Variants in CTNNA3 observed in about 807,000 individuals in gnomAD.
CTNNA3 encodes catenin alpha 3.
In CTNNA3, 76 loss-of-function variants were observed where a neutral mutation model predicts 95.7. That is an observed-to-expected ratio of 0.79 (90% CI 0.66 to 0.96). The LOEUF (loss-of-function observed/expected upper bound fraction) is 0.96, where lower values mean the gene tolerates loss of function less well. Among genes scored for constraint, CTNNA3 ranks in the 40% least tolerant of loss-of-function variants. CTNNA3 has a pLI of 0.00. For synonymous variants in CTNNA3, 431 were observed against 374.4 expected, an observed-to-expected ratio of 1.15 and a Z score of -1.74; for missense variants, 1,191 against 1,089.8, an observed-to-expected ratio of 1.09 and a Z score of -1.31.
chr10:67,551,739 C>A (rs1841041038), intron 3 of CTNNA3, among the ~76,000 whole-genome samples: 1 of 152,178 alleles, frequency 6.6e-6, no homozygotes, highest in Non-Finnish European at 1.5e-5. Context: ...CCATCACACA[C>A]CCCCTGAGGA....
At chr10:67,249,718 T>C (rs1375835069) in intron 5 of CTNNA3, among the ~76,000 whole-genome samples, 3 of 152,242 alleles carry the variant, frequency 2.0e-5, no homozygotes, top group South Asian at 2.1e-4. Context: ...GAGCCTATCA[T>C]GGCAGCTCCA....
chr10:66,634,572 GGTGTGTGTGT>G (rs59187647), intron 9 of CTNNA3, among the ~76,000 whole-genome samples: 29 of 146,182 alleles, frequency 2.0e-4, no homozygotes, highest in African/African-American at 6.8e-4. Context: ...CTCTGTGCAT[GGTGTGTGTGT>G]GTGTGTGTGT....
At chr10:67,264,018 T>TAA (rs201968855) in intron 5 of CTNNA3, among the ~76,000 whole-genome samples, 2 of 147,664 alleles carry the variant, frequency 1.4e-5, no homozygotes, top group Admixed American at 1.4e-4. Context: ...AAAGTTTCTT[T>TAA]AAAAAAAAAA....
At position 67,225,408 on chromosome 10, in the gene CTNNA3, G is replaced by A. The variant is rs577680692; in HGVS notation, c.580-5538C>T. 1.1e-4 allele frequency among the ~76,000 whole-genome samples: 16 copies of A among 152,284 alleles called. No homozygotes were observed. In the South Asian group the frequency reaches 3.1e-3, roughly 30 times the overall value. ...TACAAAACCCCATCTCCTGGCAGGA[G>A]GCCAACCAGCACAAAAATAGAGCAT... On this transcript the variant is annotated intron_variant, in intron 5 of 17. Coordinates refer to ENST00000433211, the MANE Select transcript of CTNNA3 (RefSeq NM_013266.4).
intron 13 of CTNNA3, among the ~76,000 whole-genome samples, chr10:66,255,348 AT>A (rs2090726440): frequency 6.6e-6 from 1 of 152,040 alleles, no homozygotes; most frequent in Non-Finnish European, 1.5e-5. Context: ...GGTTCAACTC[AT>A]TCTTCAGTTC....
chr10:66,787,999 C>T lies in CTNNA3; in HGVS notation c.1048-12475G>A, dbSNP rs192653648. ...TATGTATCCAAAGCTGTTACTACCA[C>T]TATTTTACCATGTTTTCAATAAATA... On this transcript the variant is annotated intron_variant, in intron 7 of 17. Transcript: ENST00000433211. Among the ~76,000 whole-genome samples, 3 of 152,290 alleles carry T rather than the reference C, an allele frequency of 2.0e-5. No individual in the cohort carries two copies. The East Asian group carries it at 5.8e-4, about 29-fold the overall frequency.
chr10:65,952,225 C>T (rs2077632812), intron 17 of CTNNA3, among the ~76,000 whole-genome samples: 1 of 152,070 alleles, frequency 6.6e-6, no homozygotes, highest in Admixed American at 6.6e-5. Flanking sequence ...ATGCCTTAGT[C>T]CACTTTATTA....
At chr10:67,124,563 G>A (rs528628343) in intron 7 of CTNNA3, among the ~76,000 whole-genome samples, 1 of 152,194 alleles carries the variant, frequency 6.6e-6, no homozygotes, top group South Asian at 2.1e-4. Flanking sequence ...GAATTGACTA[G>A]CTATGTCAAA....
intron 7 of CTNNA3, chr10:67,097,534 C>A: frequency 6.6e-7 from 1 of 1,515,448 alleles, no homozygotes; most frequent in South Asian, 1.1e-5. Flanking sequence ...AATCTTTCCC[C>A]TAAAGTTGTC....
At chr10:67,204,301 C>T (rs992729050) in intron 6 of CTNNA3, among the ~76,000 whole-genome samples, 2 of 151,996 alleles carry the variant, frequency 1.3e-5, no homozygotes, top group Non-Finnish European at 2.9e-5. Flanking sequence ...TGGTTTAGCA[C>T]CATCTCCCCT....
In CTNNA3 at chr10:67,751,310, T is replaced by G. The variant is rs1455504417; in HGVS notation, c.-2+12124A>C. The G allele has an allele frequency of 9.4e-6, 8 of 851,162 alleles. No homozygotes were observed. In the East Asian group the frequency reaches 1.9e-4, roughly 21 times the overall value. The allele number at this position is 851,162 out of a possible 1,614,324, so 52.7% of individuals were successfully genotyped here. A position where few individuals can be genotyped will look rare whatever the true frequency, so the allele number is the denominator to read the frequency against. ...GTGACATCTCCACTCAAGTCCTATT[T>G]TAGCCAAGCTTATCTGAGATCACAG... On this transcript the variant is annotated intron_variant, in intron 1 of 17. Transcript: ENST00000684154.
intron 17 of CTNNA3, among the ~76,000 whole-genome samples, chr10:65,956,287 T>G (rs2133224683): frequency 6.6e-6 from 1 of 152,302 alleles, no homozygotes; most frequent in Admixed American, 6.5e-5. Context: ...CTTTTCTTCT[T>G]TATTAGTCTT....
At chr10:67,387,194 G>T (rs182160414) in intron 5 of CTNNA3, among the ~76,000 whole-genome samples, 141 of 152,174 alleles carry the variant, frequency 9.3e-4, no homozygotes, top group African/African-American at 3.1e-3. Context: ...CAGGTCAGTG[G>T]GTGCGCGCAC....
chr10:66,613,324 C>T, intron 10 of CTNNA3, among the ~76,000 whole-genome samples: 1 of 151,996 alleles, frequency 6.6e-6, no homozygotes, highest in African/African-American at 2.4e-5. Flanking sequence ...ATTCTTATTT[C>T]TCAGAACTGC....
intron 5 of CTNNA3, among the ~76,000 whole-genome samples, chr10:67,315,351 A>G (rs1381704898): frequency 6.6e-6 from 1 of 152,178 alleles, no homozygotes; most frequent in East Asian, 1.9e-4. Context: ...CTTAGCAGAT[A>G]TTTACCTCCA....
At chr10:66,374,432 T>C (rs1446331955) in intron 12 of CTNNA3, among the ~76,000 whole-genome samples, 1 of 152,056 alleles carries the variant, frequency 6.6e-6, no homozygotes, top group East Asian at 1.9e-4. Flanking sequence ...ACTGCAGGGA[T>C]AGAATTAGCA....
chr10:67,158,960 C>T (rs1373693179), intron 7 of CTNNA3, among the ~76,000 whole-genome samples: 2 of 152,028 alleles, frequency 1.3e-5, no homozygotes, highest in Non-Finnish European at 2.9e-5. Flanking sequence ...GTTTTATACT[C>T]AGTACCTGTT....
At chr10:66,108,514 T>C (rs1352415310) in intron 13 of CTNNA3, among the ~76,000 whole-genome samples, 1 of 152,174 alleles carries the variant, frequency 6.6e-6, no homozygotes, top group Non-Finnish European at 1.5e-5. Flanking sequence ...TTAACCCTTT[T>C]CCCCATTTCA....
intron 13 of CTNNA3, among the ~76,000 whole-genome samples, chr10:66,187,829 A>C (rs1051582953): frequency 6.6e-6 from 1 of 152,172 alleles, no homozygotes; most frequent in Admixed American, 6.5e-5. Context: ...TATATTATTT[A>C]AGATGTCTAG....
Sources: allele counts gnomAD v4.1 joint callset (sites outside exome capture counted in the v4.1 genomes callset), GRCh38; gene constraint gnomAD v4.1.1; transcripts MANE v1.5; gene names NCBI Gene and HGNC (gene_info 2026-07-23, HGNC 2026-07-21).